The following TUBGCP2 variants were observed in gnomAD, a reference collection of about 807,000 sequenced individuals.
TUBGCP2 encodes tubulin gamma complex component 2.
In TUBGCP2, 55 loss-of-function variants were observed where a neutral mutation model predicts 92.2. The ratio of observed to expected loss-of-function variants is 0.60; its 90% confidence interval spans 0.48 to 0.75. TUBGCP2 has a LOEUF of 0.75. Among genes scored for constraint, TUBGCP2 ranks in the 30% least tolerant of loss-of-function variants. TUBGCP2 has a pLI of 0.00. For missense variants in TUBGCP2, 1,093 were observed against 1,188.9 expected, an observed-to-expected ratio of 0.92 and a Z score of 1.19; for synonymous variants, 533 against 505.2, an observed-to-expected ratio of 1.06 and a Z score of -0.74.
At chr10:133,292,098 TCCCTCCGTGTC>T (rs1281875449) in intron 8 of TUBGCP2, among the ~76,000 whole-genome samples, 1 of 10,376 alleles carries the variant, frequency 9.6e-5, no homozygotes, top group African/African-American at 3.5e-4. Flanking sequence ...TCCCTCCGTG[TCCCTCCGTGTC>T]CCCCATGTCC....
chr10:133,284,023 A>T lies in TUBGCP2; in HGVS notation c.2025-21T>A, dbSNP rs779722126. 13 of 1,611,824 alleles carry T rather than the reference A, an allele frequency of 8.1e-6. 1 individual carries two copies. In the South Asian group the frequency reaches 1.4e-4, roughly 18 times the overall value. On this transcript the variant is annotated intron_variant, in intron 13 of 17. Coordinates refer to ENST00000252936, the MANE Select transcript of TUBGCP2 (RefSeq NM_006659.4). ...CAAACCTGAGTGACACGGAGGACGG[A>T]GGACAGCCATGGAGGACGCGGCCCC...
At chr10:133,292,943 T>C in intron 7 of TUBGCP2, 96 bp downstream of exon 7, 2 of 1,391,546 alleles carry the variant, frequency 1.4e-6, no homozygotes, top group Non-Finnish European at 2.0e-6. Flanking sequence ...CCTGGGCAGC[T>C]GCTCCACGGC....
At position 133,293,789 on chromosome 10, in the gene TUBGCP2, T is replaced by C; in HGVS notation, c.617-20A>G. ...ACGTGCCTGCGGGCACAGACAGCGCTGTGGCTCTGCAGCCCCCACTCCCAT... is the reference window on the plus strand; with the variant it reads ...ACGTGCCTGCGGGCACAGACAGCGCCGTGGCTCTGCAGCCCCCACTCCCAT... On this transcript the variant is annotated intron_variant, in intron 5 of 17. Transcript: ENST00000252936. 8 of 1,564,724 alleles carry C rather than the reference T, an allele frequency of 5.1e-6. No homozygotes were observed. The highest frequency in any genetic ancestry group is 6.9e-6 in the Non-Finnish European group (8 of 1,155,906).
At chr10:133,304,660 T>C (rs1351311552) in intron 1 of TUBGCP2, among the ~76,000 whole-genome samples, 1 of 152,318 alleles carries the variant, frequency 6.6e-6, no homozygotes, top group East Asian at 1.9e-4. Flanking sequence ...TAACAAAATA[T>C]ATAAAACAAC....
At chr10:133,282,844 A>G (rs1847018903) in intron 15 of TUBGCP2, among the ~76,000 whole-genome samples, 1 of 152,208 alleles carries the variant, frequency 6.6e-6, no homozygotes. Context: ...AGCACCACAG[A>G]GGCTGAGGGA....
rs1174833470 is a variant in TUBGCP2, at chr10:133,289,032, GA to G, written c.1361-13del. The G allele has an allele frequency of 3.7e-6, 6 of 1,604,634 alleles. No individual in the cohort carries two copies. The highest frequency in any genetic ancestry group is 5.1e-6 in the Non-Finnish European group (6 of 1,173,330). Reference sequence around the variant, plus strand: ...ATTTAGATATTTTCCTGAAAACACAGAAATTCAAAATTTTATTCTCCACATG... The same window carrying G: ...ATTTAGATATTTTCCTGAAAACACAGAATTCAAAATTTTATTCTCCACATG... On this transcript the variant is annotated splice_polypyrimidine_tract_variant and intron_variant, in intron 9 of 17. Transcript: ENST00000252936.
At chr10:133,306,969 C>G (rs577526885) in intron 1 of TUBGCP2, among the ~76,000 whole-genome samples, 352 of 152,226 alleles carry the variant, frequency 2.3e-3, no homozygotes, top group African/African-American at 7.5e-3. Flanking sequence ...TCCCTCCCCC[C>G]AGAAGACCTT....
At chr10:133,312,100 G>T, upstream of TUBGCP2, 1 of 1,447,244 alleles carries the variant, frequency 6.9e-7, no homozygotes, top group East Asian at 2.5e-5. Flanking sequence ...TTGTCTGAGT[G>T]GGATGGAAAG....
Sources: gnomAD v4.1 joint callset for allele counts (sites outside exome capture counted in the v4.1 genomes callset) on GRCh38, gnomAD v4.1.1 for gene constraint, MANE v1.5 for transcripts, NCBI Gene and HGNC (gene_info 2026-07-23, HGNC 2026-07-21) for gene names.